Variants in DRC8 observed in about 807,000 individuals in gnomAD.
DRC8 encodes dynein regulatory complex subunit 8, also known as dynein regulatory complex protein 8.
chr1:245,082,006 G>A, the DRC8 span: 1 of 1,209,232 alleles, frequency 8.3e-7, no homozygotes, highest in Non-Finnish European at 1.2e-6. Flanking sequence ...CTAGCACTTG[G>A]CACAGTGCTT....
the DRC8 span, among the ~76,000 whole-genome samples, chr1:245,055,081 A>G: frequency 6.6e-6 from 1 of 152,134 alleles, no homozygotes; most frequent in African/African-American, 2.4e-5. Context: ...GGGGATATCT[A>G]CTGCTTTTAT....
chr1:244,995,167 C>A, the DRC8 span, among the ~76,000 whole-genome samples: 2 of 151,992 alleles, frequency 1.3e-5, no homozygotes, highest in Non-Finnish European at 2.9e-5. Context: ...TCCAGACCAT[C>A]CTGGCCAACA....
At chr1:245,000,297 C>T in the DRC8 span, among the ~76,000 whole-genome samples, 4 of 152,266 alleles carry the variant, frequency 2.6e-5, no homozygotes, top group South Asian at 2.1e-4. Context: ...AGTGGAATGA[C>T]GTGAGATTTC....
chr1:245,124,206 G>A, the DRC8 span: 17,544 of 165,560 alleles, frequency 0.11, 1,528 homozygotes, highest in Admixed American at 0.23. Context: ...TAGGTACCAC[G>A]TTGTCTGTCC....
At chr1:245,083,411 G>A in the DRC8 span, 36 of 1,601,842 alleles carry the variant, frequency 2.2e-5, no homozygotes, top group East Asian at 6.7e-5. Context: ...TAAATACCAC[G>A]GCATTTACTC....
At chr1:244,999,823 G>A in the DRC8 span, among the ~76,000 whole-genome samples, 1 of 151,978 alleles carries the variant, frequency 6.6e-6, no homozygotes, top group Non-Finnish European at 1.5e-5. Context: ...TGTTTTGTTT[G>A]TTTTTTGAGG....
the DRC8 span, among the ~76,000 whole-genome samples, chr1:244,979,292 CTTTTTTTTTTTTTTTTTT>C: frequency 2.7e-4 from 14 of 51,370 alleles, no homozygotes; most frequent in Non-Finnish European, 3.8e-4. Flanking sequence ...CGAAGCTTAT[CTTTTTTTTTTTTTTTTTT>C]TTTTTTTTTT....
chr1:245,087,428 T>G, the DRC8 span: 8 of 1,507,692 alleles, frequency 5.3e-6, no homozygotes, highest in African/African-American at 5.6e-5. Flanking sequence ...TAATTTCACA[T>G]CTTATCTTAG....
the DRC8 span, among the ~76,000 whole-genome samples, chr1:244,981,264 A>C: frequency 6.6e-6 from 1 of 152,150 alleles, no homozygotes; most frequent in Non-Finnish European, 1.5e-5. Flanking sequence ...GGTAAAAATC[A>C]GTAATTGAAC....
chr1:245,035,431 T>C, the DRC8 span, among the ~76,000 whole-genome samples: 1 of 152,142 alleles, frequency 6.6e-6, no homozygotes, highest in African/African-American at 2.4e-5. Flanking sequence ...TTATGGTCAA[T>C]TGATCTTCAA....
the DRC8 span, among the ~76,000 whole-genome samples, chr1:244,999,084 A>C: frequency 3.0e-5 from 4 of 134,448 alleles, no homozygotes; most frequent in Non-Finnish European, 6.5e-5. Flanking sequence ...AAAAAAAAAG[A>C]AAGAAAAGGA....
At chr1:245,076,336 C>G in the DRC8 span, among the ~76,000 whole-genome samples, 2 of 152,172 alleles carry the variant, frequency 1.3e-5, no homozygotes, top group East Asian at 3.9e-4. Flanking sequence ...GGTTACTGGT[C>G]CCCCTGTTAG....
the DRC8 span, among the ~76,000 whole-genome samples, chr1:244,996,409 C>G: frequency 6.6e-6 from 1 of 152,050 alleles, no homozygotes; most frequent in Non-Finnish European, 1.5e-5. Flanking sequence ...TGTGTGAAAG[C>G]CAGGAGGCGG....
the DRC8 span, among the ~76,000 whole-genome samples, chr1:245,062,670 G>A: frequency 1.3e-5 from 2 of 152,188 alleles, no homozygotes; most frequent in African/African-American, 2.4e-5. Context: ...TAGGCACTAA[G>A]CACGGATTAT....
chr1:245,020,613 CTTT>C, the DRC8 span, among the ~76,000 whole-genome samples: 5,103 of 59,744 alleles, frequency 0.085, 143 homozygotes, highest in African/African-American at 0.14. Flanking sequence ...GTTTTTCTTT[CTTT>C]TTTTTTTTTT....
the DRC8 span, among the ~76,000 whole-genome samples, chr1:245,044,447 A>G: frequency 2.0e-5 from 3 of 151,922 alleles, no homozygotes; most frequent in African/African-American, 4.8e-5. Context: ...ACTTTAAAAA[A>G]CGATTTTAAT....
the DRC8 span, among the ~76,000 whole-genome samples, chr1:245,045,693 G>C: frequency 8.0e-3 from 1,210 of 152,188 alleles, 13 homozygotes; most frequent in African/African-American, 0.028. Context: ...TCAGAGGCTA[G>C]GGTGAAGTTA....
the DRC8 span, among the ~76,000 whole-genome samples, chr1:244,999,772 T>TC: frequency 6.6e-6 from 1 of 152,194 alleles, no homozygotes; most frequent in South Asian, 2.1e-4. Context: ...CCATGGTTTT[T>TC]CCTATACATA....
At chr1:245,017,855 C>G in the DRC8 span, among the ~76,000 whole-genome samples, 1 of 152,000 alleles carries the variant, frequency 6.6e-6, no homozygotes, top group African/African-American at 2.4e-5. Context: ...GGGACTGAAA[C>G]AAAACAAACA....
Sources: allele counts gnomAD v4.1 joint callset (sites outside exome capture counted in the v4.1 genomes callset), GRCh38; gene constraint gnomAD v4.1.1; transcripts MANE v1.5; gene names NCBI Gene and HGNC (gene_info 2026-07-23, HGNC 2026-07-21).